Variants in CAMKMT observed in about 807,000 individuals in gnomAD.
The protein encoded by CAMKMT is calmodulin-lysine N-methyltransferase, also known as CaM KMT.
CAMKMT carries 53 observed loss-of-function variants against 48.0 expected under a neutral mutation model. The observed-to-expected ratio is 1.10, with a 90% CI of 0.89 to 1.39. The LOEUF (loss-of-function observed/expected upper bound fraction) is 1.39, where lower values mean the gene tolerates loss of function less well. CAMKMT is among the 40% of genes most tolerant of loss of function. CAMKMT has a pLI of 0.00. For missense variants in CAMKMT, 428 were observed against 402.7 expected, an observed-to-expected ratio of 1.06 and a Z score of -0.54; for synonymous variants, 165 against 152.3, an observed-to-expected ratio of 1.08 and a Z score of -0.61.
Position 44,366,148 on chromosome 2 carries a change from A to C in CAMKMT, c.138+4003A>C, listed in dbSNP as rs377730998. ...TTTAGGGTAACGTTAACTCCCTTTC[A>C]GCTCTATGTTATTAGTTTTGTAATA... On this transcript the variant is annotated intron_variant, in intron 1 of 10. Transcript: ENST00000378494. Among the ~76,000 whole-genome samples, 276 of 152,342 alleles carry C rather than the reference A, an allele frequency of 1.8e-3. 2 individuals are homozygous for C. The highest frequency in any genetic ancestry group is 6.4e-3 in the African/African-American group (267 of 41,584).
At chr2:44,725,470 C>G (rs1438841842) in intron 7 of CAMKMT, among the ~76,000 whole-genome samples, 4 of 152,046 alleles carry the variant, frequency 2.6e-5, no homozygotes, top group South Asian at 2.1e-4. Flanking sequence ...CCCCAGCTAC[C>G]AAGTTACAAG....
At chr2:44,484,654 C>G (rs377213441) in intron 3 of CAMKMT, among the ~76,000 whole-genome samples, 14 of 149,196 alleles carry the variant, frequency 9.4e-5, no homozygotes, top group African/African-American at 3.5e-4. Flanking sequence ...AGAATATCTT[C>G]ATGACCCTGA....
At chr2:44,514,337 T>A (rs549014048) in intron 3 of CAMKMT, among the ~76,000 whole-genome samples, 1 of 152,020 alleles carries the variant, frequency 6.6e-6, no homozygotes, top group Non-Finnish European at 1.5e-5. Flanking sequence ...ACTGACTAGA[T>A]AGAGAGGCTG....
At chr2:44,365,493 G>T (rs369125304) in intron 1 of CAMKMT, among the ~76,000 whole-genome samples, 5 of 152,288 alleles carry the variant, frequency 3.3e-5, no homozygotes, top group East Asian at 3.9e-4. Flanking sequence ...TTTCCTCTTT[G>T]TTGAGTCTCA....
intron 1 of CAMKMT, among the ~76,000 whole-genome samples, chr2:44,363,759 G>A (rs1381372563): frequency 6.9e-6 from 1 of 144,726 alleles, no homozygotes; most frequent in Non-Finnish European, 1.5e-5. Context: ...GCGCAATCTC[G>A]GCTCACTGCA....
intron 3 of CAMKMT, among the ~76,000 whole-genome samples, chr2:44,444,919 G>A (rs1484311972): frequency 6.6e-6 from 1 of 152,142 alleles, no homozygotes; most frequent in African/African-American, 2.4e-5. Context: ...AGGAGTCCAT[G>A]CAACCCCCCA....
At chr2:44,489,690 C>T (rs770914009) in intron 3 of CAMKMT, among the ~76,000 whole-genome samples, 48 of 151,908 alleles carry the variant, frequency 3.2e-4, no homozygotes, top group Admixed American at 3.3e-4. Flanking sequence ...AATTGTGATT[C>T]TTATGCTTTG....
chr2:44,760,949 A>T (rs1680592378), intron 9 of CAMKMT, among the ~76,000 whole-genome samples: 1 of 152,180 alleles, frequency 6.6e-6, no homozygotes, highest in Non-Finnish European at 1.5e-5. Flanking sequence ...TGCCTCTCAG[A>T]TGCCAGTCAC....
At chr2:44,631,802 T>G in intron 3 of CAMKMT, 1 of 323,380 alleles carries the variant, frequency 3.1e-6, no homozygotes, top group Non-Finnish European at 5.5e-6. Flanking sequence ...TGTCTTCTTT[T>G]GTATTATTTT....
rs149178810 is a variant in CAMKMT, at chr2:44,744,745, A to G, written c.698+1049A>G. Among the ~76,000 whole-genome samples the G allele has an allele frequency of 1.8e-3, 271 of 152,174 alleles. 1 individual carries two copies. Among genetic ancestry groups the G allele is most frequent in the African/African-American group, 6.2e-3 (258 of 41,554 alleles). On this transcript the variant is annotated intron_variant, in intron 8 of 10. Transcript: ENST00000378494. ...ATTATTTTAATAAGATTTTCAATGG[A>G]TAACTTTTCTACAAAAGTCATTGGA...
Position 44,766,470 on chromosome 2 carries a change from T to G in CAMKMT, c.803T>G (p.Leu268Ter). Reference protein sequence around the residue: ...MVFAPRRGNTLNQFCNLAEKA... With the variant: ...MVFAPRRGNT ...TTTGCCCCACGCCGAGGGAATACTT[T>G]AAACCAGTTTTGCAATCTAGCTGAA... The change falls in exon 10 of 11, where the codon TTA (leucine) becomes TGA (stop). Residue 268 changes from leucine to a stop codon, truncating the protein, a stop_gained. Coordinates refer to ENST00000378494, the MANE Select transcript of CAMKMT (RefSeq NM_024766.5). LOFTEE classifies it high-confidence loss of function. The G allele has an allele frequency of 6.2e-7, 1 of 1,614,224 alleles. No individual in the cohort carries two copies. Among genetic ancestry groups the G allele is most frequent in the Non-Finnish European group, 8.5e-7 (1 of 1,180,022 alleles).
At chr2:44,526,208 G>A (rs187699965) in intron 3 of CAMKMT, among the ~76,000 whole-genome samples, 18 of 152,220 alleles carry the variant, frequency 1.2e-4, no homozygotes, top group South Asian at 2.1e-4. Flanking sequence ...GTGAAATTTT[G>A]TCCCAATAAA....
At chr2:44,457,923 A>G (rs951724404) in intron 3 of CAMKMT, among the ~76,000 whole-genome samples, 1 of 151,910 alleles carries the variant, frequency 6.6e-6, no homozygotes, top group African/African-American at 2.4e-5. Context: ...GAACCCTCAG[A>G]TTCTCTTGGA....
intron 10 of CAMKMT, among the ~76,000 whole-genome samples, chr2:44,769,840 T>C (rs186435941): frequency 3.9e-5 from 6 of 152,252 alleles, no homozygotes; most frequent in Non-Finnish European, 7.4e-5. Context: ...ATAATCTGTG[T>C]GGTGTGCTGT....
intron 8 of CAMKMT, among the ~76,000 whole-genome samples, chr2:44,751,639 C>T (rs1017090910): frequency 6.6e-6 from 1 of 152,152 alleles, no homozygotes; most frequent in Non-Finnish European, 1.5e-5. Flanking sequence ...CCTGGCTTAC[C>T]TCCCTGTTAT....
At chr2:44,767,491 A>G (rs1417387325) in intron 10 of CAMKMT, among the ~76,000 whole-genome samples, 1 of 152,224 alleles carries the variant, frequency 6.6e-6, no homozygotes, top group African/African-American at 2.4e-5. Context: ...TGAAAAATTA[A>G]TCTGATCTTC....
chr2:44,418,281 T>C (rs1369417243), intron 3 of CAMKMT, among the ~76,000 whole-genome samples: 1 of 152,024 alleles, frequency 6.6e-6, no homozygotes, highest in Non-Finnish European at 1.5e-5. Context: ...TATTTCCTCC[T>C]TTGTGTATCC....
chr2:44,388,223 G>C (rs561165836), intron 2 of CAMKMT, among the ~76,000 whole-genome samples: 13 of 152,066 alleles, frequency 8.5e-5, no homozygotes, highest in African/African-American at 2.9e-4. Context: ...TTTTCTCTTT[G>C]TTGGATTGGG....
chr2:44,644,770 A>G (rs1673643024), intron 3 of CAMKMT, among the ~76,000 whole-genome samples: 1 of 152,200 alleles, frequency 6.6e-6, no homozygotes, highest in African/African-American at 2.4e-5. Flanking sequence ...AAGCAAATAA[A>G]TATTTTAAAT....
Sources: gnomAD v4.1 joint callset for allele counts (sites outside exome capture counted in the v4.1 genomes callset) on GRCh38, gnomAD v4.1.1 for gene constraint, MANE v1.5 for transcripts, NCBI Gene and HGNC (gene_info 2026-07-23, HGNC 2026-07-21) for gene names.